Variants in UBR4 observed in about 807,000 individuals in gnomAD.
UBR4 encodes the protein E3 ubiquitin-protein ligase UBR4.
Under a neutral mutation model 575.6 loss-of-function variants are expected in UBR4, and 124 were observed. The observed-to-expected ratio is 0.22, with a 90% CI of 0.19 to 0.25. The LOEUF is 0.25. Ranked by LOEUF, UBR4 falls within the 10% of genes least tolerant of loss-of-function variation. UBR4 has a pLI of 1.00. For missense variants in UBR4, 4,818 were observed against 6,478.8 expected (o/e 0.74, Z 8.80); for synonymous variants, 2,455 against 2,473.7 (o/e 0.99, Z 0.22).
At position 19,128,156 on chromosome 1, in the gene UBR4, G is replaced by T. The variant is rs899159362; in HGVS notation, c.9111+55C>A. On this transcript the variant is annotated intron_variant, in intron 62 of 105. Coordinates refer to ENST00000375254, the MANE Select transcript of UBR4 (RefSeq NM_020765.3). ...TCCTCTATGAAACGAATGGGAACCTGAGAAAGGATCTCAGCCAATCCTGTT... is the reference window on the plus strand; with the variant it reads ...TCCTCTATGAAACGAATGGGAACCTTAGAAAGGATCTCAGCCAATCCTGTT... The T allele has an allele frequency of 8.5e-6, 13 of 1,538,214 alleles. No individual in the cohort carries two copies. In the African/African-American group the frequency reaches 1.5e-4, roughly 18 times the overall value.
rs746951856 is a variant in UBR4, at chr1:19,120,269, G to C, written c.10221C>G (p.Thr3407=). 1.2e-6 allele frequency: 2 copies of C among 1,614,104 alleles called. No individual in the cohort carries two copies. The highest frequency in any genetic ancestry group is 1.7e-6 in the Non-Finnish European group (2 of 1,180,014). The change falls in exon 69 of 106, where the codon ACC becomes ACG. Residue 3407 remains threonine, a synonymous_variant. Transcript: ENST00000375254. ...GGAAACAACGCAGGAACTGGATCAG[G>C]GTTTCCTTATCGGCAAATTTGTTCA... The part of the protein sequence containing the change: ...NQLNKFADKE[T]LIQFLRCFLL...
intron 90 of UBR4, among the ~76,000 whole-genome samples, chr1:19,099,219 C>T (rs899845386): frequency 6.6e-6 from 1 of 152,130 alleles, no homozygotes; most frequent in Non-Finnish European, 1.5e-5. Context: ...AGCGAGCAGG[C>T]CCATAAAAGC....
chr1:19,153,926 T>G lies in UBR4; in HGVS notation c.6472A>C (p.Ser2158Arg), dbSNP rs2086074217. The change falls in exon 45 of 106, where the codon AGT becomes CGT. Residue 2158 changes from serine (S) to arginine (R), a missense_variant. By Grantham distance (110) the Ser-to-Arg change is moderately radical. Around this residue, in one of 29 missense-constraint regions of UBR4, gnomAD observed 461 missense variants for 606.9 expected, o/e 0.76. Coordinates refer to ENST00000375254, the MANE Select transcript of UBR4 (RefSeq NM_020765.3). The surrounding 1 kb of genome is among the most constrained non-coding windows in gnomAD (Gnocchi z 4.1). The stretch of plus-strand genomic sequence containing the variant: ...TGGCAAAGAGCAGGAGAAGTCTTAC[T>G]GCCACCATTGGAACTGCAGACAACA... ...PINIKSSNGG[S>R]KTSPALCQWS... is the part of the protein sequence containing the mutation. 2 of 1,613,712 alleles carry G rather than the reference T, an allele frequency of 1.2e-6. No individual in the cohort carries two copies. Among genetic ancestry groups the G allele is most frequent in the Non-Finnish European group, 1.7e-6 (2 of 1,179,874 alleles).
Position 19,145,938 on chromosome 1 carries a change from G to A in UBR4, c.7805-5C>T, listed in dbSNP as rs2084795854. The A allele has an allele frequency of 6.2e-7, 1 of 1,613,236 alleles. No individual in the cohort carries two copies. Among genetic ancestry groups the A allele is most frequent in the African/African-American group, 1.3e-5 (1 of 74,992 alleles). ...CCTTCCCTTCATCCATTCCTTCTAA[G>A]CAGGAGAAAGAAAATTATCAACGAT... On this transcript the variant is annotated splice_region_variant and splice_polypyrimidine_tract_variant and intron_variant, in intron 52 of 105. Coordinates refer to ENST00000375254, the MANE Select transcript of UBR4 (RefSeq NM_020765.3).
intron 63 of UBR4, 68 bp downstream of exon 63, chr1:19,127,555 C>G: frequency 8.2e-7 from 1 of 1,219,796 alleles, no homozygotes; most frequent in East Asian, 2.3e-5. Flanking sequence ...CACCTCTGTG[C>G]TGGCCCTAGC....
chr1:19,095,701 G>T, intron 92 of UBR4, 49 bp from the exon 93 acceptor site: 1 of 1,560,924 alleles, frequency 6.4e-7, no homozygotes, highest in Non-Finnish European at 8.8e-7. Flanking sequence ...GAGAGTGTAG[G>T]ACATGGGGGC....
Position 19,153,890 on chromosome 1 carries a change from C to T in UBR4, c.6508G>A (p.Val2170Met). Residue 2170 changes from valine (V) to methionine (M), a missense_variant, in exon 45 of 106, where the codon GTG becomes ATG. Around this residue, in one of 29 missense-constraint regions of UBR4, gnomAD observed 461 missense variants for 606.9 expected, o/e 0.76. Coordinates refer to ENST00000375254, the MANE Select transcript of UBR4 (RefSeq NM_020765.3). The surrounding 1 kb of genome is among the most constrained non-coding windows in gnomAD (Gnocchi z 4.1). ...TSPALCQWSE[V>M]MNHPGLVCCV... Reference sequence around the variant, plus strand: ...CACACCAAGCCAGGGTGGTTCATCACCTCAGACCACTGGCAAAGAGCAGGA... The same window carrying T: ...CACACCAAGCCAGGGTGGTTCATCATCTCAGACCACTGGCAAAGAGCAGGA... The T allele has an allele frequency of 1.2e-6, 2 of 1,614,196 alleles. No homozygotes were observed. Among genetic ancestry groups the T allele is most frequent in the South Asian group, 1.1e-5 (1 of 91,086 alleles).
intron 60 of UBR4, among the ~76,000 whole-genome samples, chr1:19,135,190 C>T (rs920704804): frequency 3.9e-5 from 6 of 152,098 alleles, no homozygotes; most frequent in African/African-American, 1.4e-4. Flanking sequence ...TCCATTGTAC[C>T]TAAGTGTCAC....
chr1:19,128,890 C>T (rs931410941), intron 61 of UBR4, 88 bp downstream of exon 61: 2 of 1,225,126 alleles, frequency 1.6e-6, no homozygotes, highest in African/African-American at 3.0e-5. Flanking sequence ...CAAACGAAGG[C>T]TTCCAGGTCC....
intron 100 of UBR4, 33 bp from the exon 101 acceptor site, chr1:19,086,303 G>A: frequency 7.5e-7 from 1 of 1,326,182 alleles, no homozygotes; most frequent in Non-Finnish European, 1.0e-6. Context: ...ACAAGCGACT[G>A]CTGGCATTAA....
Position 19,197,942 on chromosome 1 carries a change from C to T in UBR4, c.751+5G>A, listed in dbSNP as rs529268009. 1.9e-6 allele frequency: 3 copies of T among 1,614,096 alleles called. No homozygotes were observed. Among genetic ancestry groups the T allele is most frequent in the South Asian group, 2.2e-5 (2 of 91,072 alleles). On this transcript the variant is annotated splice_donor_5th_base_variant and intron_variant, in intron 6 of 105. Transcript: ENST00000375254. ...CAGCTTTCTGATAACAGTTGGGAGT[C>T]TTACCAAGCTCTTGAAGACTAGCCA... is the stretch of plus-strand genomic sequence containing the variant.
intron 94 of UBR4, 90 bp downstream of exon 94, chr1:19,094,816 G>T: frequency 6.5e-7 from 1 of 1,541,952 alleles, no homozygotes; most frequent in Non-Finnish European, 8.7e-7. Context: ...TTCTCAGGTG[G>T]GCTAAGCCAG....
At chr1:19,188,099 T>G (rs1197377974) in intron 11 of UBR4, among the ~76,000 whole-genome samples, 3 of 151,212 alleles carry the variant, frequency 2.0e-5, no homozygotes, top group Admixed American at 2.0e-4. Flanking sequence ...AACTCCCAAA[T>G]GGAAAAATTT....
At chr1:19,114,695 TG>T in intron 75 of UBR4, 115 bp downstream of exon 75, 1 of 1,336,844 alleles carries the variant, frequency 7.5e-7, no homozygotes, top group Non-Finnish European at 1.0e-6. Flanking sequence ...GCCCTGAAAC[TG>T]GTGTTGAGTC....
chr1:19,118,300 G>A, intron 71 of UBR4: 1 of 160,978 alleles, frequency 6.2e-6, no homozygotes, highest in Non-Finnish European at 1.3e-5. Context: ...CTAAACCAGA[G>A]AAATAATAAA....
chr1:19,173,600 A>G lies in UBR4; in HGVS notation c.3004T>C (p.Tyr1002His). 1 of 1,614,150 alleles carries G rather than the reference A, an allele frequency of 6.2e-7. No individual in the cohort carries two copies. Among genetic ancestry groups the G allele is most frequent in the South Asian group, 1.1e-5 (1 of 91,074 alleles). Residue 1002 changes from tyrosine to histidine, a missense_variant, in exon 23 of 106, where the codon TAC (tyrosine) becomes CAC (histidine). This residue lies in a region of UBR4 where 1,172 missense variants were observed against 1,259.7 expected (regional missense o/e 0.93). Transcript: ENST00000375254. ...AGGATCCTCCACAGTATCAAGAAGT[A>G]ATATTGAAGGGCACAGGCCTCCTGG... ...TALEACALQY[Y>H]FLILWRILGI... is the part of the protein sequence containing the mutation.
intron 77 of UBR4, 179 bp from the exon 78 acceptor site, chr1:19,113,046 G>A: frequency 3.0e-6 from 2 of 666,958 alleles, no homozygotes; most frequent in East Asian, 3.1e-5. Context: ...ACTGAAGCTT[G>A]GAGAAAGTGG....
chr1:19,179,312 TA>T (rs1230119867), intron 17 of UBR4, 92 bp from the exon 18 acceptor site: 1 of 1,299,006 alleles, frequency 7.7e-7, no homozygotes, highest in Non-Finnish European at 1.0e-6. Flanking sequence ...GTTTGTTTAA[TA>T]TTGAACAGAA....
At position 19,164,255 on chromosome 1, in the gene UBR4, T is replaced by A. The variant is rs1202869381; in HGVS notation, c.4698A>T (p.Arg1566Ser). The A allele has an allele frequency of 6.2e-7, 1 of 1,610,826 alleles. No individual in the cohort carries two copies. The highest frequency in any genetic ancestry group is 2.2e-5 in the East Asian group (1 of 44,784). The change falls in exon 33 of 106, where the codon AGA becomes AGT. Residue 1566 changes from arginine (R) to serine (S), a missense_variant and splice_region_variant. Physicochemically the swap from Arg to Ser is moderately radical, Grantham distance 110. This residue lies in a region of UBR4 where 1,172 missense variants were observed against 1,259.7 expected (regional missense o/e 0.93). Transcript: ENST00000375254. ...LHNAAVDWLS[R>S]CKKYLSQKNV... ...CAGATACAACTTCATCATCTTACCA[T>A]CTGCTCAGCCAATCCACAGCAGCAT...
Sources: gnomAD v4.1 joint callset for allele counts (sites outside exome capture counted in the v4.1 genomes callset) on GRCh38, gnomAD v4.1.1 for gene constraint, gnomAD v4.1.1 regional missense constraint, Gnocchi (gnomAD v3.1) non-coding constraint, MANE v1.5 for transcripts, NCBI Gene and HGNC (gene_info 2026-07-23, HGNC 2026-07-21) for gene names.